NEK4: variants seen among roughly 807,000 people sequenced by gnomAD.
NEK4 encodes NIMA related kinase 4, also known as serine/threonine-protein kinase Nek4.
NEK4 carries 86 observed loss-of-function variants against 98.4 expected under a neutral mutation model. The ratio of observed to expected loss-of-function variants is 0.87; its 90% CI spans 0.73 to 1.05. The LOEUF (loss-of-function observed/expected upper bound fraction) is 1.05. NEK4 is among the 50% of genes least tolerant of loss of function. The pLI is 0.00. For missense variants in NEK4, 898 were observed against 950.3 expected (o/e 0.94, Z 0.72); for synonymous variants, 328 against 342.2 (o/e 0.96, Z 0.46).
intron 1 of NEK4, 95 bp from the exon 2 acceptor site, chr3:52,768,699 C>T (rs1449208550): frequency 7.9e-6 from 9 of 1,144,280 alleles, no homozygotes; most frequent in Middle Eastern, 2.6e-4. Flanking sequence ...CCCTCAAAAC[C>T]AACCTTGTGG....
At chr3:52,746,348 T>A in intron 9 of NEK4, 138 bp from the exon 10 acceptor site, 1 of 780,658 alleles carries the variant, frequency 1.3e-6, no homozygotes, top group Non-Finnish European at 2.0e-6. Context: ...GGAAAGACTC[T>A]GCCAAAAGTC....
intron 13 of NEK4, among the ~76,000 whole-genome samples, chr3:52,740,124 A>G (rs535155727): frequency 2.0e-5 from 3 of 152,340 alleles, no homozygotes; most frequent in African/African-American, 4.8e-5. Flanking sequence ...CCAGCTTCCA[A>G]TGAGGTAAAA....
chr3:52,722,149 T>C (rs918741683), intron 15 of NEK4, among the ~76,000 whole-genome samples: 4 of 152,186 alleles, frequency 2.6e-5, no homozygotes, highest in African/African-American at 7.2e-5. Flanking sequence ...GACTCAGCCA[T>C]ATTAGGGGGA....
chr3:52,713,794 CAAAAAAAAA>C (rs10554436), intron 15 of NEK4, among the ~76,000 whole-genome samples: 2 of 83,342 alleles, frequency 2.4e-5, no homozygotes, highest in South Asian at 4.3e-4. Flanking sequence ...AACTCCCTCT[CAAAAAAAAA>C]AAAAAAAAAA....
chr3:52,712,084 T>A (rs1222272790), intron 15 of NEK4, among the ~76,000 whole-genome samples: 3 of 152,210 alleles, frequency 2.0e-5, no homozygotes, highest in Non-Finnish European at 4.4e-5. Context: ...AGGGAAAACA[T>A]TTGCAACATT....
At chr3:52,727,425 T>C (rs1247833859) in intron 15 of NEK4, among the ~76,000 whole-genome samples, 2 of 152,182 alleles carry the variant, frequency 1.3e-5, no homozygotes, top group African/African-American at 4.8e-5. Context: ...CCAACCACAG[T>C]GGGATGAAGT....
intron 15 of NEK4, among the ~76,000 whole-genome samples, chr3:52,721,094 T>C (rs1334291818): frequency 2.0e-5 from 3 of 152,206 alleles, no homozygotes; most frequent in East Asian, 3.9e-4. Context: ...AGCTAAATTG[T>C]GGTTCACTTC....
chr3:52,731,369 T>C (rs2097369455), intron 15 of NEK4, among the ~76,000 whole-genome samples: 1 of 152,178 alleles, frequency 6.6e-6, no homozygotes, highest in African/African-American at 2.4e-5. Flanking sequence ...CAAAACAATC[T>C]TGAGAAAGAA....
At chr3:52,713,131 C>T (rs749295670) in intron 15 of NEK4, among the ~76,000 whole-genome samples, 2 of 152,170 alleles carry the variant, frequency 1.3e-5, no homozygotes, top group African/African-American at 2.4e-5. Context: ...AAAAAAAGTA[C>T]TATGTGACAT....
In NEK4 at chr3:52,768,433, C is replaced by T. The variant is rs200146700; in HGVS notation, c.265G>A (p.Gly89Ser). 6 of 1,614,172 alleles carry T rather than the reference C, an allele frequency of 3.7e-6. No individual in the cohort carries two copies. In the East Asian group the frequency reaches 1.1e-4, roughly 30 times the overall value. Residue 89 changes from glycine (G) to serine (S), a missense_variant, in exon 2 of 16, where the codon GGT becomes AGT. Coordinates refer to ENST00000233027, the MANE Select transcript of NEK4 (RefSeq NM_003157.6). Reference sequence around the variant, plus strand: ...TCCTTGAGCTTTCGGTACAAATCACCTCCTTCACAGAAGCCCATGACAATG... The same window carrying T: ...TCCTTGAGCTTTCGGTACAAATCACTTCCTTCACAGAAGCCCATGACAATG... ...LYIVMGFCEG[G>S]DLYRKLKEQK...
At chr3:52,713,964 A>G (rs1307982242) in intron 15 of NEK4, among the ~76,000 whole-genome samples, 35 of 152,120 alleles carry the variant, frequency 2.3e-4, no homozygotes, top group Admixed American at 2.3e-3. Context: ...GCCAGGTACC[A>G]TGGCTCACAT....
At chr3:52,722,543 C>T (rs911440334) in intron 15 of NEK4, among the ~76,000 whole-genome samples, 1 of 152,018 alleles carries the variant, frequency 6.6e-6, no homozygotes, top group African/African-American at 2.4e-5. Context: ...AAGTATGGAC[C>T]ATTCAAAGGA....
rs572514993 is a variant in NEK4 at position 52,768,351 on chromosome 3, G to A, written c.347C>T (p.Ala116Val). 18 of 1,614,116 alleles carry A rather than the reference G, an allele frequency of 1.1e-5. No homozygotes were observed. In the African/African-American group the frequency reaches 1.2e-4, roughly 11 times the overall value. Reference protein sequence around the residue: ...NQVVEWFVQIAMALQYLHEKH... With the variant: ...NQVVEWFVQIVMALQYLHEKH... Reference sequence around the variant, plus strand: ...TCTACACAGTACCTGCAAAGCCATGGCGATCTGTACAAACCACTCTACCAC... The same window carrying A: ...TCTACACAGTACCTGCAAAGCCATGACGATCTGTACAAACCACTCTACCAC... Residue 116 changes from alanine to valine, a missense_variant, in exon 2 of 16, where the codon GCC becomes GTC. Physicochemically the swap from Ala to Val is moderately conservative, Grantham distance 64 (BLOSUM62 0). Transcript: ENST00000233027.
intron 15 of NEK4, among the ~76,000 whole-genome samples, chr3:52,723,915 A>G (rs999892456): frequency 5.9e-5 from 9 of 152,224 alleles, no homozygotes; most frequent in African/African-American, 1.7e-4. Flanking sequence ...AAGAGTCTAC[A>G]CTGAAATACA....
intron 13 of NEK4, among the ~76,000 whole-genome samples, chr3:52,740,208 G>A (rs1429682532): frequency 6.6e-6 from 1 of 152,100 alleles, no homozygotes; most frequent in African/African-American, 2.4e-5. Flanking sequence ...TTTGTGAAGA[G>A]AAAGAAATCA....
chr3:52,712,995 G>A (rs924928937), intron 15 of NEK4, among the ~76,000 whole-genome samples: 2 of 152,104 alleles, frequency 1.3e-5, no homozygotes, highest in African/African-American at 2.4e-5. Flanking sequence ...GCCTGTTCTC[G>A]CCTAGGTCCA....
intron 15 of NEK4, among the ~76,000 whole-genome samples, chr3:52,731,030 T>C (rs745846758): frequency 6.6e-6 from 1 of 152,212 alleles, no homozygotes; most frequent in Non-Finnish European, 1.5e-5. Context: ...ATGGCTAAAA[T>C]GGTATATTTT....
At chr3:52,767,186 T>C (rs1260011972) in intron 2 of NEK4, among the ~76,000 whole-genome samples, 2 of 151,226 alleles carry the variant, frequency 1.3e-5, no homozygotes, top group East Asian at 2.0e-4. Context: ...CTTGGGAGGC[T>C]GAGGCACAAG....
At chr3:52,742,936 T>G (rs951144147) in intron 12 of NEK4, among the ~76,000 whole-genome samples, 1 of 152,096 alleles carries the variant, frequency 6.6e-6, no homozygotes, top group Non-Finnish European at 1.5e-5. Context: ...ACTACAGGTG[T>G]GCGCCACCTT....
Sources: allele counts gnomAD v4.1 joint callset (sites outside exome capture counted in the v4.1 genomes callset), GRCh38; gene constraint gnomAD v4.1.1; transcripts MANE v1.5; gene names NCBI Gene and HGNC (gene_info 2026-07-23, HGNC 2026-07-21).